The following SAE1 variants were observed in gnomAD, a reference collection of about 807,000 sequenced individuals.
SAE1 encodes SUMO-activating enzyme subunit 1.
In SAE1, 11 loss-of-function variants were observed where a neutral mutation model predicts 40.6. The observed-to-expected ratio is 0.27, with a 90% CI of 0.17 to 0.45. The LOEUF (loss-of-function observed/expected upper bound fraction) is 0.45, where lower values mean the gene tolerates loss of function less well. SAE1 is among the 20% of genes least tolerant of loss of function. The probability of loss-of-function intolerance (pLI) is 1.00; values close to 1 mark genes in which losing one functional copy is unlikely to be tolerated. For missense variants in SAE1, 373 were observed against 427.3 expected (o/e 0.87, Z 1.12); for synonymous variants, 155 against 154.3 (o/e 1.00, Z -0.03).
intron 6 of SAE1, among the ~76,000 whole-genome samples, chr19:47,176,725 G>C (rs1248404338): frequency 3.3e-5 from 5 of 152,124 alleles, no homozygotes; most frequent in Non-Finnish European, 4.4e-5. Flanking sequence ...TTAGATATTG[G>C]GTGTTTTTCC....
At chr19:47,136,137 A>T (rs1276593831) in intron 1 of SAE1, among the ~76,000 whole-genome samples, 1 of 151,878 alleles carries the variant, frequency 6.6e-6, no homozygotes, top group African/African-American at 2.4e-5. Context: ...CATGGGATTT[A>T]TTGCAGTTTT....
At chr19:47,172,708 A>G (rs1278441962) in intron 6 of SAE1, among the ~76,000 whole-genome samples, 9 of 151,876 alleles carry the variant, frequency 5.9e-5, no homozygotes, top group Non-Finnish European at 8.8e-5. Context: ...TCCAAAAAAA[A>G]GGGGGAGAAA....
chr19:47,198,626 T>C (rs1290780167), intron 7 of SAE1, among the ~76,000 whole-genome samples: 1 of 152,212 alleles, frequency 6.6e-6, no homozygotes, highest in Non-Finnish European at 1.5e-5. Context: ...GTGCTTGCTC[T>C]AGTAGCAGCA....
intron 5 of SAE1, among the ~76,000 whole-genome samples, chr19:47,163,251 CAAAA>C (rs78034057): frequency 9.0e-6 from 1 of 111,140 alleles, no homozygotes; most frequent in Admixed American, 9.5e-5. Context: ...GGAGTACATC[CAAAA>C]AAAAAAAAAG....
At chr19:47,139,804 T>C (rs2058207494) in intron 1 of SAE1, among the ~76,000 whole-genome samples, 1 of 143,730 alleles carries the variant, frequency 7.0e-6, no homozygotes, top group African/African-American at 2.6e-5. Context: ...GGTTTTACCA[T>C]GTTAGCCAGG....
chr19:47,209,190 ACTT>A lies in SAE1; in HGVS notation c.991_993del (p.Phe331del), dbSNP rs773418783. On this transcript the variant is annotated inframe_deletion, in exon 9 of 9. Coordinates refer to ENST00000270225, the MANE Select transcript of SAE1 (RefSeq NM_005500.3). The stretch of plus-strand genomic sequence containing the variant: ...TCTCAGCGGGACCCTCCTCACAACA[ACTT>A]CTTCTTCTTCGATGGCATGAAGGGG... 1.5e-5 allele frequency: 25 copies of A among 1,613,580 alleles called. No homozygotes were observed. The highest frequency in any genetic ancestry group is 1.9e-5 in the Non-Finnish European group (22 of 1,179,922).
Position 47,170,018 on chromosome 19 carries a change from C to T in SAE1, c.733+95C>T, listed in dbSNP as rs139253941. The T allele has an allele frequency of 4.4e-6, 4 of 903,846 alleles. No individual in the cohort carries two copies. The African/African-American group carries it at 4.9e-5, about 11-fold the overall frequency. 56.0% of individuals were successfully genotyped at this position (903,846 alleles called of 1,614,324 possible). On this transcript the variant is annotated intron_variant, in intron 6 of 8. Coordinates refer to ENST00000270225, the MANE Select transcript of SAE1 (RefSeq NM_005500.3). The stretch of plus-strand genomic sequence containing the variant: ...GTCCAGATGGTTTTGTGATGTTTGC[C>T]TTGGGTGGCATTCTTCATTGGCTAG...
At chr19:47,193,890 C>A (rs932981508) in intron 6 of SAE1, among the ~76,000 whole-genome samples, 2 of 151,854 alleles carry the variant, frequency 1.3e-5, no homozygotes, top group African/African-American at 4.8e-5. Flanking sequence ...ATATGCAGAG[C>A]CCCGTCTATA....
At chr19:47,165,076 C>CT (rs769656956) in intron 5 of SAE1, among the ~76,000 whole-genome samples, 25,098 of 59,320 alleles carry the variant, frequency 0.42, 6,950 homozygotes, top group Non-Finnish European at 0.5. Context: ...TGAGCCAAGT[C>CT]TTTTTTTTTT....
Position 47,158,328 on chromosome 19 carries a change from AG to A in SAE1, c.627+3118del, listed in dbSNP as rs2058336266. ...AGCACCTGTGCCATTCTGATAAATAAGGGCTTAGGAAAATGCCTAGCCCAGA... is the reference window on the plus strand; with the variant it reads ...AGCACCTGTGCCATTCTGATAAATAAGGCTTAGGAAAATGCCTAGCCCAGA... On this transcript the variant is annotated intron_variant, in intron 5 of 8. Transcript: ENST00000270225. Among the ~76,000 whole-genome samples, 8 of 152,222 alleles carry A rather than the reference AG, an allele frequency of 5.3e-5. No individual in the cohort carries two copies. The South Asian group carries it at 1.7e-3, about 32-fold the overall frequency.
intron 2 of SAE1, among the ~76,000 whole-genome samples, chr19:47,144,550 T>A (rs965977188): frequency 6.6e-6 from 1 of 150,500 alleles, no homozygotes; most frequent in African/African-American, 2.4e-5. Context: ...ACACAAAAAA[T>A]TAGCAGGGCT....
rs776648218 is a variant in SAE1, at chr19:47,197,225, A to G, written c.734-8A>G. 6.3e-7 allele frequency: 1 copy of G among 1,581,362 alleles called. No individual in the cohort carries two copies. The highest frequency in any genetic ancestry group is 8.5e-7 in the Non-Finnish European group (1 of 1,169,840). On this transcript the variant is annotated splice_polypyrimidine_tract_variant and splice_region_variant and intron_variant, in intron 6 of 8. Transcript: ENST00000270225. ...CTTTATAACCTGCCTTCTTTTTCTTATTCCCAGTGCTCTTAAAGTTCCGTA... is the reference window on the plus strand; with the variant it reads ...CTTTATAACCTGCCTTCTTTTTCTTGTTCCCAGTGCTCTTAAAGTTCCGTA...
intron 1 of SAE1, among the ~76,000 whole-genome samples, chr19:47,141,256 C>A (rs1246424262): frequency 6.6e-6 from 1 of 152,058 alleles, no homozygotes; most frequent in Non-Finnish European, 1.5e-5. Flanking sequence ...CCCGCCTTGG[C>A]CTCCCAAAGT....
intron 4 of SAE1, 117 bp from the exon 5 acceptor site, chr19:47,154,997 C>T: frequency 1.5e-6 from 1 of 686,990 alleles, no homozygotes; most frequent in East Asian, 2.5e-5. Context: ...CGAGATCTGA[C>T]TCCAAAGCTT....
At chr19:47,186,778 C>T (rs559862581) in intron 6 of SAE1, among the ~76,000 whole-genome samples, 3 of 152,214 alleles carry the variant, frequency 2.0e-5, no homozygotes, top group East Asian at 1.9e-4. Flanking sequence ...ATTGCAAAGA[C>T]GAAAGCGTGG....
Position 47,209,392 on chromosome 19 carries a change from G to A in SAE1, c.*141G>A. The A allele has an allele frequency of 2.8e-6, 4 of 1,444,312 alleles. No individual in the cohort carries two copies. Among genetic ancestry groups the A allele is most frequent in the Non-Finnish European group, 3.8e-6 (4 of 1,060,250 alleles). 89.5% of individuals were successfully genotyped at this position (1,444,312 alleles called of 1,614,324 possible). ...ACAAAACATTTCCTGCAACGAAGGA[G>A]GTGGTGCCGACGTGCTGCTTCCCAT... On this transcript the variant is annotated 3_prime_UTR_variant, in exon 9 of 9. Transcript: ENST00000270225.
chr19:47,173,554 G>A (rs1376469629), intron 6 of SAE1, among the ~76,000 whole-genome samples: 1 of 152,062 alleles, frequency 6.6e-6, no homozygotes, highest in Non-Finnish European at 1.5e-5. Context: ...CCTCACTTCA[G>A]CACACTACTG....
At chr19:47,177,071 T>C (rs1362306059) in intron 6 of SAE1, among the ~76,000 whole-genome samples, 2 of 152,218 alleles carry the variant, frequency 1.3e-5, no homozygotes, top group East Asian at 1.9e-4. Context: ...AGAATACTTA[T>C]CAGAGAATTC....
chr19:47,182,929 T>G (rs888584116), intron 6 of SAE1, among the ~76,000 whole-genome samples: 11 of 152,022 alleles, frequency 7.2e-5, no homozygotes, highest in Non-Finnish European at 1.6e-4. Flanking sequence ...TTTTTGACTG[T>G]TTTTTTGAAA....
Sources: allele counts gnomAD v4.1 joint callset (sites outside exome capture counted in the v4.1 genomes callset), GRCh38; gene constraint gnomAD v4.1.1; transcripts MANE v1.5; gene names NCBI Gene and HGNC (gene_info 2026-07-23, HGNC 2026-07-21).